The following HHAT variants were observed in gnomAD, a reference collection of about 807,000 sequenced individuals.
HHAT encodes the protein protein-cysteine N-palmitoyltransferase HHAT.
A neutral mutation model predicts 70.8 loss-of-function variants in HHAT; 47 were observed. That is an observed-to-expected ratio of 0.66 (90% CI 0.53 to 0.85). The LOEUF is 0.85. Among genes scored for constraint, HHAT ranks in the 40% least tolerant of loss-of-function variants. HHAT has a pLI of 0.00. For missense variants in HHAT, 609 were observed against 604.8 expected, an observed-to-expected ratio of 1.01 and a Z score of -0.07; for synonymous variants, 228 against 247.6, an observed-to-expected ratio of 0.92 and a Z score of 0.74.
At chr1:210,623,411 G>C in intron 10 of HHAT, 115 bp from the exon 11 acceptor site, 2 of 1,124,866 alleles carry the variant, frequency 1.8e-6, no homozygotes, top group Non-Finnish European at 2.6e-6. Context: ...ATAATGACCT[G>C]GTTTGGGCTC....
At chr1:210,410,683 C>T (rs377046051) in intron 6 of HHAT, among the ~76,000 whole-genome samples, 10 of 152,030 alleles carry the variant, frequency 6.6e-5, no homozygotes, top group East Asian at 2.0e-4. Flanking sequence ...CCTGCCACCA[C>T]GCCCAGCTAA....
Position 210,549,359 on chromosome 1 carries a change from T to A in HHAT, c.1043+36171T>A, listed in dbSNP as rs116680725. Among the ~76,000 whole-genome samples, 1,174 of 149,046 alleles carry A rather than the reference T, an allele frequency of 7.9e-3. 95 individuals are homozygous for A. The highest frequency in any genetic ancestry group is 0.025 in the African/African-American group (994 of 40,346). ...GGAAATGCATTTTGTCAGTTACCTG[T>A]GAAGGATGGATTGGCAGAGTGTGGT... On this transcript the variant is annotated intron_variant, in intron 9 of 11. Coordinates refer to ENST00000261458, the MANE Select transcript of HHAT (RefSeq NM_018194.6).
At chr1:210,425,028 A>T (rs914537583) in intron 7 of HHAT, among the ~76,000 whole-genome samples, 1 of 152,126 alleles carries the variant, frequency 6.6e-6, no homozygotes, top group Non-Finnish European at 1.5e-5. Context: ...TGGACTTTTT[A>T]ATAACAGCCA....
At chr1:210,656,206 G>A (rs923655298) in intron 11 of HHAT, among the ~76,000 whole-genome samples, 2 of 151,582 alleles carry the variant, frequency 1.3e-5, no homozygotes, top group Non-Finnish European at 3.0e-5. Flanking sequence ...CTTTTTCTAG[G>A]CTACACTTTT....
intron 4 of HHAT, among the ~76,000 whole-genome samples, chr1:210,393,637 CA>C (rs1236190180): frequency 3.3e-5 from 5 of 152,266 alleles, no homozygotes; most frequent in Admixed American, 3.3e-4. Context: ...ATCTTGTTAC[CA>C]GGCAGGGGTG....
At chr1:210,646,649 A>G (rs1325652774) in intron 11 of HHAT, among the ~76,000 whole-genome samples, 4 of 152,242 alleles carry the variant, frequency 2.6e-5, no homozygotes, top group Non-Finnish European at 4.4e-5. Flanking sequence ...AAAATAACCT[A>G]TAATCCCATA....
At chr1:210,470,274 G>C (rs1250404172) in intron 8 of HHAT, among the ~76,000 whole-genome samples, 2 of 152,138 alleles carry the variant, frequency 1.3e-5, no homozygotes, top group Admixed American at 6.5e-5. Flanking sequence ...AGACGCATGG[G>C]AGTCCCCTGA....
At chr1:210,551,878 A>G (rs1176031053) in intron 9 of HHAT, among the ~76,000 whole-genome samples, 2 of 152,188 alleles carry the variant, frequency 1.3e-5, no homozygotes, top group Admixed American at 6.5e-5. Context: ...CAAGATTTTT[A>G]TTCACCTTCA....
chr1:210,484,478 G>A (rs749814023), intron 8 of HHAT, among the ~76,000 whole-genome samples: 161 of 144,320 alleles, frequency 1.1e-3, no homozygotes, highest in Non-Finnish European at 2.0e-3. Flanking sequence ...TGATTTATCC[G>A]CTGTTACCAT....
At chr1:210,547,366 C>A (rs757155245) in intron 9 of HHAT, among the ~76,000 whole-genome samples, 2 of 151,160 alleles carry the variant, frequency 1.3e-5, no homozygotes, top group Non-Finnish European at 2.9e-5. Context: ...CTTTTTGATT[C>A]ATAATTTGGA....
intron 9 of HHAT, among the ~76,000 whole-genome samples, chr1:210,524,052 G>T (rs989804112): frequency 6.6e-6 from 1 of 152,164 alleles, no homozygotes; most frequent in Admixed American, 6.5e-5. Context: ...ATAAACTCAT[G>T]GAAGCAAAAA....
chr1:210,338,116 G>A (rs1340905711), intron 1 of HHAT, among the ~76,000 whole-genome samples: 1 of 152,062 alleles, frequency 6.6e-6, no homozygotes, highest in Non-Finnish European at 1.5e-5. Flanking sequence ...GGAGGTGTAG[G>A]TGGGAAGATC....
At chr1:210,616,640 T>C (rs1360969405) in intron 10 of HHAT, among the ~76,000 whole-genome samples, 1 of 152,202 alleles carries the variant, frequency 6.6e-6, no homozygotes, top group Non-Finnish European at 1.5e-5. Context: ...GGCAAAGATC[T>C]TGAAGGTTGC....
intron 11 of HHAT, among the ~76,000 whole-genome samples, chr1:210,638,722 CAA>C (rs71146238): frequency 0.078 from 7,458 of 95,318 alleles, 159 homozygotes; most frequent in Non-Finnish European, 0.097. Context: ...CCTGTATTTA[CAA>C]AAAAAAAAAA....
chr1:210,560,805 C>T (rs1196037762), intron 9 of HHAT, among the ~76,000 whole-genome samples: 3 of 106,392 alleles, frequency 2.8e-5, no homozygotes, highest in Admixed American at 1.3e-4. Flanking sequence ...AAAGTGAGAC[C>T]CTGTGTCTTA....
intron 8 of HHAT, among the ~76,000 whole-genome samples, chr1:210,509,763 C>T (rs1305288145): frequency 6.6e-6 from 1 of 152,216 alleles, no homozygotes; most frequent in Non-Finnish European, 1.5e-5. Context: ...CTAACCTCGC[C>T]TGCCTTTCTC....
intron 11 of HHAT, among the ~76,000 whole-genome samples, chr1:210,649,631 G>A (rs1272616700): frequency 3.3e-5 from 5 of 152,224 alleles, no homozygotes; most frequent in Non-Finnish European, 2.9e-5. Context: ...TCTCTGGCAG[G>A]AGCCACATGG....
intron 9 of HHAT, among the ~76,000 whole-genome samples, chr1:210,540,461 A>ACACACGCACACACATG (rs200753923): frequency 7.2e-6 from 1 of 138,772 alleles, no homozygotes; most frequent in Non-Finnish European, 1.7e-5. Context: ...ACACACACAC[A>ACACACGCACACACATG]CACACACACG....
At chr1:210,404,386 C>A in intron 5 of HHAT, 78 bp from the exon 6 acceptor site, 1 of 1,127,980 alleles carries the variant, frequency 8.9e-7, no homozygotes, top group Non-Finnish European at 1.3e-6. Context: ...GGTGGCCCTG[C>A]TGGCCAGCAC....
Sources: gnomAD v4.1 joint callset for allele counts (sites outside exome capture counted in the v4.1 genomes callset) on GRCh38, gnomAD v4.1.1 for gene constraint, MANE v1.5 for transcripts, NCBI Gene and HGNC (gene_info 2026-07-23, HGNC 2026-07-21) for gene names.